RAP1GDS1: variants seen among roughly 807,000 people sequenced by gnomAD.
The protein encoded by RAP1GDS1 is RAP1, GTP-GDP dissociation stimulator 1.
A neutral mutation model predicts 71.1 loss-of-function variants in RAP1GDS1; 35 were observed. The ratio of observed to expected loss-of-function variants is 0.49; its 90% CI spans 0.38 to 0.65. The LOEUF (loss-of-function observed/expected upper bound fraction) is 0.65. Among genes scored for constraint, RAP1GDS1 ranks in the 30% least tolerant of loss-of-function variants. The pLI is 0.00. For missense variants in RAP1GDS1, 663 were observed against 706.1 expected (o/e 0.94, Z 0.69); for synonymous variants, 229 against 243.1 (o/e 0.94, Z 0.54).
intron 2 of RAP1GDS1, among the ~76,000 whole-genome samples, chr4:98,326,436 A>G (rs1468050860): frequency 5.3e-5 from 8 of 152,130 alleles, no homozygotes; most frequent in Admixed American, 5.2e-4. Context: ...TAACTGCTGA[A>G]TTTCTTTTCT....
intron 3 of RAP1GDS1, among the ~76,000 whole-genome samples, chr4:98,350,045 G>T (rs1736932448): frequency 6.6e-6 from 1 of 152,038 alleles, no homozygotes; most frequent in African/African-American, 2.4e-5. Context: ...ATGTTTTTGA[G>T]TAAAAAATGG....
rs536938319 is a variant in RAP1GDS1, at chr4:98,331,534, A to G, written c.113-11605A>G. Among the ~76,000 whole-genome samples, 4 of 152,334 alleles carry G rather than the reference A, an allele frequency of 2.6e-5. No homozygotes were observed. The East Asian group carries it at 5.8e-4, about 22-fold the overall frequency. On this transcript the variant is annotated intron_variant, in intron 2 of 14. Transcript: ENST00000408927. ...TAGTTATATTTGTGGCATATGACAT[A>G]TTATCTAGAATTCTGACTGATTACA... is the stretch of plus-strand genomic sequence containing the variant.
intron 12 of RAP1GDS1, among the ~76,000 whole-genome samples, chr4:98,432,815 C>T (rs1750620441): frequency 6.6e-6 from 1 of 152,004 alleles, no homozygotes; most frequent in South Asian, 2.1e-4. Context: ...CCTACTAAAT[C>T]AGATTTAGTT....
intron 6 of RAP1GDS1, among the ~76,000 whole-genome samples, chr4:98,403,783 T>G (rs1223692296): frequency 6.6e-6 from 1 of 152,088 alleles, no homozygotes; most frequent in Non-Finnish European, 1.5e-5. Context: ...TATAGGAGAT[T>G]GCTAAGTGTA....
At chr4:98,298,270 C>G (rs1728069265) in intron 2 of RAP1GDS1, among the ~76,000 whole-genome samples, 1 of 152,180 alleles carries the variant, frequency 6.6e-6, no homozygotes, top group Non-Finnish European at 1.5e-5. Flanking sequence ...CAAGATCTAG[C>G]TAAAATCATT....
chr4:98,318,554 C>T (rs1039816226), intron 2 of RAP1GDS1, among the ~76,000 whole-genome samples: 1 of 152,154 alleles, frequency 6.6e-6, no homozygotes, highest in South Asian at 2.1e-4. Flanking sequence ...AAAATACCTT[C>T]TTGATGAGAT....
intron 6 of RAP1GDS1, among the ~76,000 whole-genome samples, chr4:98,403,986 A>G (rs1056555251): frequency 1.3e-5 from 2 of 152,188 alleles, no homozygotes; most frequent in African/African-American, 4.8e-5. Context: ...ACCAAAGTAT[A>G]TATAAATGCT....
At chr4:98,359,125 C>T (rs1206347000) in intron 4 of RAP1GDS1, among the ~76,000 whole-genome samples, 1 of 151,880 alleles carries the variant, frequency 6.6e-6, no homozygotes, top group Non-Finnish European at 1.5e-5. Context: ...GACAAAAATG[C>T]CTGTAATTTT....
chr4:98,423,868 T>A (rs1001894213), intron 12 of RAP1GDS1, among the ~76,000 whole-genome samples: 8 of 152,126 alleles, frequency 5.3e-5, no homozygotes, highest in Admixed American at 5.2e-4. Flanking sequence ...TAGAAAGATG[T>A]CTCTAGGGTT....
At chr4:98,333,969 T>C (rs1016481688) in intron 2 of RAP1GDS1, among the ~76,000 whole-genome samples, 1 of 152,172 alleles carries the variant, frequency 6.6e-6, no homozygotes, top group Non-Finnish European at 1.5e-5. Flanking sequence ...GAGACAAATA[T>C]AATCCTGTCT....
intron 14 of RAP1GDS1, among the ~76,000 whole-genome samples, chr4:98,437,894 G>A (rs1751367308): frequency 6.6e-6 from 1 of 151,998 alleles, no homozygotes; most frequent in African/African-American, 2.4e-5. Context: ...AAAAGAGTGT[G>A]TATTATGCAG....
intron 2 of RAP1GDS1, among the ~76,000 whole-genome samples, chr4:98,310,478 A>G (rs1730047052): frequency 6.6e-6 from 1 of 152,194 alleles, no homozygotes; most frequent in South Asian, 2.1e-4. Flanking sequence ...ATAATGAAGG[A>G]CAAAAGGAAA....
chr4:98,359,405 A>C (rs540257718), intron 4 of RAP1GDS1, among the ~76,000 whole-genome samples: 135 of 152,300 alleles, frequency 8.9e-4, no homozygotes, highest in Non-Finnish European at 1.6e-3. Flanking sequence ...GAAAGTATAA[A>C]AAAACCTTTA....
chr4:98,421,937 C>T (rs1748924509), intron 12 of RAP1GDS1, among the ~76,000 whole-genome samples: 2 of 151,994 alleles, frequency 1.3e-5, no homozygotes, highest in African/African-American at 2.4e-5. Flanking sequence ...GTGGCTGACA[C>T]CTGTAATCCC....
intron 12 of RAP1GDS1, among the ~76,000 whole-genome samples, chr4:98,432,040 A>T (rs1163295035): frequency 2.0e-5 from 3 of 152,014 alleles, no homozygotes; most frequent in Non-Finnish European, 4.4e-5. Flanking sequence ...CCATTAACTC[A>T]TCATTTACAT....
chr4:98,377,897 TGGCTAG>T (rs990010858), intron 4 of RAP1GDS1, among the ~76,000 whole-genome samples: 1 of 151,896 alleles, frequency 6.6e-6, no homozygotes, highest in African/African-American at 2.4e-5. Context: ...AATTTAAATG[TGGCTAG>T]TCTGAGTTGA....
chr4:98,326,643 C>T (rs947083318), intron 2 of RAP1GDS1, among the ~76,000 whole-genome samples: 14 of 151,880 alleles, frequency 9.2e-5, no homozygotes, highest in African/African-American at 3.1e-4. Flanking sequence ...AAATTCTTTC[C>T]CTCCTCAGCT....
chr4:98,436,823 A>G lies in RAP1GDS1; in HGVS notation c.1568-117A>G, dbSNP rs536968724. On this transcript the variant is annotated intron_variant, in intron 13 of 14. Transcript: ENST00000408927. ...TTTAATATTATTTTTCTAGGTCATT[A>G]TTATTTATCAGTTCCATTTAGAAGG... 6 of 987,506 alleles carry G rather than the reference A, an allele frequency of 6.1e-6. No individual in the cohort carries two copies. The African/African-American group carries it at 1.0e-4, about 16-fold the overall frequency. The allele number at this position is 987,506 out of a possible 1,614,324, so 61.2% of individuals were successfully genotyped here. A position where few individuals can be genotyped will look rare whatever the true frequency, so the allele number is the denominator to read the frequency against.
At chr4:98,290,859 A>G (rs1726816121) in intron 1 of RAP1GDS1, among the ~76,000 whole-genome samples, 1 of 152,108 alleles carries the variant, frequency 6.6e-6, no homozygotes, top group Admixed American at 6.6e-5. Context: ...AGAAGGAAAG[A>G]GCATACCATC....
Sources: gnomAD v4.1 joint callset for allele counts (sites outside exome capture counted in the v4.1 genomes callset) on GRCh38, gnomAD v4.1.1 for gene constraint, MANE v1.5 for transcripts, NCBI Gene and HGNC (gene_info 2026-07-23, HGNC 2026-07-21) for gene names.